WWC1: variants seen among roughly 807,000 people sequenced by gnomAD.
WWC1 encodes protein KIBRA.
WWC1 carries 55 observed loss-of-function variants against 138.4 expected under a neutral mutation model. The observed-to-expected ratio is 0.40, with a 90% CI of 0.32 to 0.50. The LOEUF is 0.50. Ranked by LOEUF, WWC1 falls within the 20% of genes least tolerant of loss-of-function variation. The probability of loss-of-function intolerance (pLI) is 0.72; values close to 1 mark genes in which losing one functional copy is unlikely to be tolerated. For synonymous variants in WWC1, 524 were observed against 564.9 expected, an observed-to-expected ratio of 0.93 and a Z score of 1.03; for missense variants, 1,226 against 1,420.4, an observed-to-expected ratio of 0.86 and a Z score of 2.20.
chr5:168,407,781 T>C (rs1015099973), intron 6 of WWC1, among the ~76,000 whole-genome samples: 3 of 152,160 alleles, frequency 2.0e-5, no homozygotes, highest in African/African-American at 7.2e-5. Context: ...TTACTGAGTA[T>C]GGGCTGTATT....
intron 1 of WWC1, among the ~76,000 whole-genome samples, chr5:168,326,344 A>G (rs997677429): frequency 2.0e-5 from 3 of 148,904 alleles, no homozygotes; most frequent in Non-Finnish European, 4.4e-5. Flanking sequence ...CAGCCTCCCT[A>G]CTAGCTGGGA....
intron 12 of WWC1, 50 bp from the exon 13 acceptor site, chr5:168,428,657 G>A (rs1781704790): frequency 1.3e-6 from 2 of 1,585,426 alleles, no homozygotes; most frequent in Non-Finnish European, 1.7e-6. Context: ...TCCCAGAATA[G>A]TTTGTTCACT....
chr5:168,368,914 G>A (rs1440582211), intron 1 of WWC1, among the ~76,000 whole-genome samples: 5 of 152,194 alleles, frequency 3.3e-5, no homozygotes, highest in Non-Finnish European at 7.3e-5. Context: ...AGATGCTCCT[G>A]AACCAAGTGC....
At chr5:168,363,739 T>C (rs1158532121) in intron 1 of WWC1, among the ~76,000 whole-genome samples, 1 of 152,070 alleles carries the variant, frequency 6.6e-6, no homozygotes, top group African/African-American at 2.4e-5. Context: ...GCACAGCCCA[T>C]TTTAACGCAG....
At chr5:168,455,672 G>A (rs1756253091) in intron 19 of WWC1, 152 bp downstream of exon 19, 2 of 951,582 alleles carry the variant, frequency 2.1e-6, no homozygotes, top group East Asian at 2.9e-5. Context: ...GAGTTCACGG[G>A]CCTACTTCAT....
chr5:168,324,969 A>G (rs1019493780), intron 1 of WWC1, among the ~76,000 whole-genome samples: 1 of 152,204 alleles, frequency 6.6e-6, no homozygotes, highest in Non-Finnish European at 1.5e-5. Context: ...CTAGTAGCTG[A>G]GTTCAAATAC....
intron 15 of WWC1, 67 bp downstream of exon 15, chr5:168,431,511 C>T: frequency 6.6e-7 from 1 of 1,519,444 alleles, no homozygotes. Context: ...GCTGACCGGC[C>T]TTCTGTGTTT....
At chr5:168,460,806 T>A in intron 20 of WWC1, 64 bp downstream of exon 20, 1 of 1,508,264 alleles carries the variant, frequency 6.6e-7, no homozygotes, top group Non-Finnish European at 9.2e-7. Flanking sequence ...AAGCCCTGTG[T>A]CCTGCACACA....
In WWC1 at chr5:168,304,016, T is replaced by G. The variant is rs1320498200; in HGVS notation, c.119+11745T>G. On this transcript the variant is annotated intron_variant, in intron 1 of 22. Transcript: ENST00000265293. ...CTGTGACCTTGGTCAAAGTTACTTA[T>G]ATCTTTTTGAGCCTTCATTTCTTCA... 2.6e-5 allele frequency among the ~76,000 whole-genome samples: 4 copies of G among 152,370 alleles called. No homozygotes were observed. In the East Asian group the frequency reaches 5.8e-4, roughly 22 times the overall value.
intron 1 of WWC1, among the ~76,000 whole-genome samples, chr5:168,301,638 C>CAAA (rs778792626): frequency 2.9e-4 from 29 of 99,870 alleles, no homozygotes; most frequent in Admixed American, 2.4e-3. Context: ...AACTTCGTCT[C>CAAA]AAAAAAAAAA....
chr5:168,463,853 C>G (rs189324544), intron 20 of WWC1, among the ~76,000 whole-genome samples: 2 of 152,264 alleles, frequency 1.3e-5, no homozygotes, highest in East Asian at 1.9e-4. Flanking sequence ...TCCCTCTGTA[C>G]AGCTTAATTC....
chr5:168,380,771 A>C (rs1216822802), intron 2 of WWC1, among the ~76,000 whole-genome samples: 1 of 152,246 alleles, frequency 6.6e-6, no homozygotes, highest in East Asian at 1.9e-4. Context: ...ATTTATCACA[A>C]AGACAATGTG....
chr5:168,352,119 G>A (rs1408051977), intron 1 of WWC1, among the ~76,000 whole-genome samples: 1 of 152,196 alleles, frequency 6.6e-6, no homozygotes, highest in East Asian at 1.9e-4. Context: ...CCCATGGCAA[G>A]AGCTCAATTA....
intron 5 of WWC1, among the ~76,000 whole-genome samples, chr5:168,404,560 G>A (rs1304945859): frequency 6.6e-6 from 1 of 152,180 alleles, no homozygotes; most frequent in Non-Finnish European, 1.5e-5. Flanking sequence ...CGATGAGGCC[G>A]GGATGAAAAC....
At chr5:168,311,264 C>T (rs1771048895) in intron 1 of WWC1, among the ~76,000 whole-genome samples, 1 of 152,172 alleles carries the variant, frequency 6.6e-6, no homozygotes, top group Non-Finnish European at 1.5e-5. Flanking sequence ...GGGTCTGCTT[C>T]AAGTCAGGCC....
At chr5:168,373,405 C>T (rs1776903187) in intron 2 of WWC1, among the ~76,000 whole-genome samples, 1 of 152,040 alleles carries the variant, frequency 6.6e-6, no homozygotes, top group Non-Finnish European at 1.5e-5. Context: ...GTTTCACAAG[C>T]TGTCAGGCTA....
chr5:168,451,905 T>TTTTA, intron 17 of WWC1, among the ~76,000 whole-genome samples: 1 of 61,816 alleles, frequency 1.6e-5, no homozygotes, highest in African/African-American at 4.8e-5. Context: ...GTTGGTGTCT[T>TTTTA]TTTTTTTTTT....
chr5:168,405,358 G>T (rs904574021), intron 5 of WWC1, among the ~76,000 whole-genome samples: 3 of 152,166 alleles, frequency 2.0e-5, no homozygotes, highest in African/African-American at 7.2e-5. Context: ...ATCTTGTGGG[G>T]TGAGGCCAGG....
chr5:168,437,941 C>T (rs961165060), intron 15 of WWC1, among the ~76,000 whole-genome samples: 1 of 151,986 alleles, frequency 6.6e-6, no homozygotes, highest in Admixed American at 6.6e-5. Flanking sequence ...CCAGAGTCTG[C>T]GAAGGGCTTA....
Sources: allele counts gnomAD v4.1 joint callset (sites outside exome capture counted in the v4.1 genomes callset), GRCh38; gene constraint gnomAD v4.1.1; transcripts MANE v1.5; gene names NCBI Gene and HGNC (gene_info 2026-07-23, HGNC 2026-07-21).